The following PCNX2 variants were observed in gnomAD, a reference collection of about 807,000 sequenced individuals.
PCNX2 encodes the protein pecanex-like protein 2.
Under a neutral mutation model 223.8 loss-of-function variants are expected in PCNX2, and 168 were observed. The ratio of observed to expected loss-of-function variants is 0.75; its 90% CI spans 0.66 to 0.85. The LOEUF is 0.85. PCNX2 is among the 40% of genes least tolerant of loss of function. The pLI, the probability that PCNX2 is intolerant of heterozygous loss-of-function variation, is 0.00. For missense variants in PCNX2, 2,507 were observed against 2,675.5 expected, an observed-to-expected ratio of 0.94 and a Z score of 1.39; for synonymous variants, 1,006 against 1,052.6, an observed-to-expected ratio of 0.96 and a Z score of 0.86.
chr1:233,125,064 A>G (rs545411037), intron 21 of PCNX2, among the ~76,000 whole-genome samples: 1 of 152,350 alleles, frequency 6.6e-6, no homozygotes, highest in South Asian at 2.1e-4. Context: ...CAAAGAAGGA[A>G]GAACAGAGTA....
In PCNX2 at chr1:233,242,166, C is replaced by T. The variant is rs866971871; in HGVS notation, c.2223-5186G>A. On this transcript the variant is annotated intron_variant, in intron 8 of 33. Coordinates refer to ENST00000258229, the MANE Select transcript of PCNX2 (RefSeq NM_014801.4). ...GGTACACAGTGGGTTCAGAGATATA[C>T]GGCAGCTTTCAAACATAAGCCTAAT... Among the ~76,000 whole-genome samples, 42 of 152,186 alleles carry T rather than the reference C, an allele frequency of 2.8e-4. No individual in the cohort carries two copies. The South Asian group carries it at 4.2e-3, about 15-fold the overall frequency.
At chr1:233,075,739 A>ACACAC (rs1553282226) in intron 23 of PCNX2, among the ~76,000 whole-genome samples, 6 of 149,430 alleles carry the variant, frequency 4.0e-5, no homozygotes, top group African/African-American at 7.4e-5. Context: ...ACACACACAC[A>ACACAC]ACAGAAAAGA....
At chr1:233,260,464 T>G (rs1659988616) in intron 4 of PCNX2, among the ~76,000 whole-genome samples, 1 of 152,210 alleles carries the variant, frequency 6.6e-6, no homozygotes, top group Non-Finnish European at 1.5e-5. Flanking sequence ...AGTAACGTTG[T>G]TATGAAGCTG....
rs1208086923 is a variant in PCNX2, at chr1:232,986,213, C to A, written c.6119G>T (p.Ser2040Ile). 6 of 1,559,174 alleles carry A rather than the reference C, an allele frequency of 3.8e-6. No homozygotes were observed. The highest frequency in any genetic ancestry group is 5.2e-6 in the Non-Finnish European group (6 of 1,151,204). The change falls in exon 33 of 34, where the codon AGC (serine) becomes ATC (isoleucine). Residue 2040 changes from serine to isoleucine, a missense_variant. By Grantham distance (142) the Ser-to-Ile change is moderately radical. Transcript: ENST00000258229. ...SFLFGKRSFSSALVISGLSAA... is the reference protein window; with the variant it reads ...SFLFGKRSFSIALVISGLSAA... ...AGAGAGTCCGGAAATGACGAGCGCG[C>A]TGGAAAAGCTCCTCTTGCCGAAGAG...
chr1:233,106,482 A>G (rs549028709), intron 21 of PCNX2, among the ~76,000 whole-genome samples: 1 of 151,100 alleles, frequency 6.6e-6, no homozygotes, highest in South Asian at 2.1e-4. Context: ...CCTCTCGAGT[A>G]GCTGTGACTG....
upstream of PCNX2, among the ~76,000 whole-genome samples, chr1:233,299,446 C>T (rs1347524214): frequency 6.6e-6 from 1 of 152,146 alleles, no homozygotes; most frequent in African/African-American, 2.4e-5. Flanking sequence ...TCAAAGCATA[C>T]ATAAGTTTAC....
chr1:233,024,291 G>A (rs750856035), intron 26 of PCNX2, among the ~76,000 whole-genome samples: 15 of 152,260 alleles, frequency 9.9e-5, no homozygotes, highest in Non-Finnish European at 1.8e-4. Context: ...TTCATTCTGT[G>A]TTTCTTATTT....
intron 17 of PCNX2, among the ~76,000 whole-genome samples, chr1:233,169,415 G>C (rs954181803): frequency 1.6e-4 from 24 of 151,978 alleles, no homozygotes; most frequent in African/African-American, 5.8e-4. Flanking sequence ...GGGAGGCCGA[G>C]ACGGGCGGAT....
intron 19 of PCNX2, among the ~76,000 whole-genome samples, chr1:233,144,972 T>A (rs1188328162): frequency 9.9e-6 from 1 of 101,112 alleles, no homozygotes; most frequent in Non-Finnish European, 2.2e-5. Context: ...TTTTGTTTCT[T>A]TTTTTTTTTT....
At chr1:233,235,957 A>ATATATAT (rs1553319645) in intron 9 of PCNX2, among the ~76,000 whole-genome samples, 38 of 93,104 alleles carry the variant, frequency 4.1e-4, no homozygotes, top group Admixed American at 8.5e-4. Context: ...CATAAAAAAA[A>ATATATAT]ATATATATAT....
intron 25 of PCNX2, chr1:233,032,897 G>C: frequency 1.3e-6 from 1 of 792,408 alleles, no homozygotes; most frequent in Non-Finnish European, 1.5e-6. Flanking sequence ...AGGAGTGAAA[G>C]AGTCACACTC....
intron 12 of PCNX2, among the ~76,000 whole-genome samples, 179 bp from the exon 13 acceptor site, chr1:233,208,868 G>GA (rs895824402): frequency 7.3e-5 from 4 of 54,658 alleles, no homozygotes; most frequent in Non-Finnish European, 1.2e-4. Context: ...AAAAAGAAAA[G>GA]AAAAAAAAAG....
chr1:233,327,028 A>G, the PCNX2 span, among the ~76,000 whole-genome samples: 2 of 152,144 alleles, frequency 1.3e-5, no homozygotes, highest in Admixed American at 1.3e-4. Context: ...ACGGTGGCTC[A>G]AACGCACTTA....
In PCNX2 at chr1:233,270,527, G is replaced by C. The variant is rs906847237; in HGVS notation, c.154-7364C>G. The stretch of plus-strand genomic sequence containing the variant: ...TCCATGCAGCTCCCCTTAGATATAG[G>C]CCCCCCTTGCAAATACCTGTTTAAA... On this transcript the variant is annotated intron_variant, in intron 1 of 33. Coordinates refer to ENST00000258229, the MANE Select transcript of PCNX2 (RefSeq NM_014801.4). Among the ~76,000 whole-genome samples, 5 of 152,172 alleles carry C rather than the reference G, an allele frequency of 3.3e-5. No individual in the cohort carries two copies. The South Asian group carries it at 8.3e-4, about 25-fold the overall frequency.
chr1:233,262,127 G>A lies in PCNX2; in HGVS notation c.398C>T (p.Ala133Val), dbSNP rs574946746. 1 of 1,613,604 alleles carries A rather than the reference G, an allele frequency of 6.2e-7. No homozygotes were observed. The highest frequency in any genetic ancestry group is 1.3e-5 in the African/African-American group (1 of 74,878). ...RQIHNGKKEE[A>V]SRNLSTPPLR... ...GGGAGGCGTGGAGAGGTTTCGACTG[G>A]CCTCTTCCTTTTTGCCATTGTGAAT... Residue 133 changes from alanine to valine, a missense_variant, in exon 3 of 34, where the codon GCC becomes GTC. Coordinates refer to ENST00000258229, the MANE Select transcript of PCNX2 (RefSeq NM_014801.4).
intron 19 of PCNX2, among the ~76,000 whole-genome samples, chr1:233,154,467 G>T (rs1379998904): frequency 1.3e-5 from 2 of 152,146 alleles, no homozygotes; most frequent in African/African-American, 4.8e-5. Context: ...TGGCACAGAG[G>T]TACATGTGAA....
chr1:233,011,830 A>G (rs1240924082), intron 28 of PCNX2, among the ~76,000 whole-genome samples: 1 of 152,132 alleles, frequency 6.6e-6, no homozygotes, highest in Non-Finnish European at 1.5e-5. Flanking sequence ...GTTTATTTGT[A>G]TCCTTTAAAA....
intron 23 of PCNX2, among the ~76,000 whole-genome samples, chr1:233,082,340 T>C (rs373434638): frequency 6.6e-6 from 1 of 152,166 alleles, no homozygotes; most frequent in East Asian, 1.9e-4. Context: ...TTAAGAATAA[T>C]AGATCCAGGG....
At chr1:233,083,721 C>T (rs1673469199) in intron 23 of PCNX2, among the ~76,000 whole-genome samples, 1 of 152,108 alleles carries the variant, frequency 6.6e-6, no homozygotes, top group Non-Finnish European at 1.5e-5. Context: ...AGCTGTGATG[C>T]TCGAAGAACA....
Sources: allele counts gnomAD v4.1 joint callset (sites outside exome capture counted in the v4.1 genomes callset), GRCh38; gene constraint gnomAD v4.1.1; transcripts MANE v1.5; gene names NCBI Gene and HGNC (gene_info 2026-07-23, HGNC 2026-07-21).